Variants in KCNMA1 observed in about 807,000 individuals in gnomAD.
KCNMA1 encodes the protein potassium calcium-activated channel subfamily M alpha 1, also known as Calcium-activated potassium channel subunit alpha-1.
In KCNMA1, 29 loss-of-function variants were observed where a neutral mutation model predicts 140.0. That is an observed-to-expected ratio of 0.21 (90% CI 0.15 to 0.28). KCNMA1 has a LOEUF of 0.28. Among genes scored for constraint, KCNMA1 ranks in the 10% least tolerant of loss-of-function variants. The pLI is 1.00. For missense variants in KCNMA1, 880 were observed against 1,602.2 expected (o/e 0.55, Z 7.70); for synonymous variants, 612 against 611.9 (o/e 1.00, Z 0.00).
rs534747948 is a variant in KCNMA1, at chr10:77,416,243, G to T, written c.379-12220C>A. Reference sequence around the variant, plus strand: ...CAGAGGCAGCCTTGGGGCCAGGAAAGGTAGGGTCTGAGGGATGGAGGCATG... The same window carrying T: ...CAGAGGCAGCCTTGGGGCCAGGAAATGTAGGGTCTGAGGGATGGAGGCATG... On this transcript the variant is annotated intron_variant, in intron 1 of 27. Transcript: ENST00000286628. Among the ~76,000 whole-genome samples the T allele has an allele frequency of 2.4e-4, 36 of 152,270 alleles. No individual in the cohort carries two copies. In the East Asian group the frequency reaches 6.6e-3, roughly 28 times the overall value.
At chr10:77,276,469 T>C (rs1384723050) in intron 2 of KCNMA1, among the ~76,000 whole-genome samples, 3 of 152,208 alleles carry the variant, frequency 2.0e-5, no homozygotes, top group African/African-American at 7.2e-5. Context: ...GACCTAATTT[T>C]AACCTTGCTG....
chr10:77,398,002 T>C (rs1004574539), intron 2 of KCNMA1, among the ~76,000 whole-genome samples: 1 of 151,602 alleles, frequency 6.6e-6, no homozygotes, highest in East Asian at 1.9e-4. Flanking sequence ...TATATATAAA[T>C]GTAATATATA....
chr10:77,249,238 C>T (rs1351567102), intron 3 of KCNMA1, among the ~76,000 whole-genome samples: 3 of 152,118 alleles, frequency 2.0e-5, no homozygotes, highest in Non-Finnish European at 4.4e-5. Flanking sequence ...ACTCCCAGTG[C>T]CATCTTCGCC....
At chr10:77,086,677 A>C in intron 10 of KCNMA1, 84 bp from the exon 11 acceptor site, 4 of 938,088 alleles carry the variant, frequency 4.3e-6, no homozygotes, top group Non-Finnish European at 6.9e-6. Context: ...TCTAATTTCC[A>C]CAGGGAGCCC....
intron 1 of KCNMA1, among the ~76,000 whole-genome samples, chr10:77,536,430 A>C (rs755117864): frequency 2.0e-5 from 3 of 152,168 alleles, no homozygotes; most frequent in African/African-American, 4.8e-5. Flanking sequence ...CCCTCACTTC[A>C]CTGATCTTCA....
intron 19 of KCNMA1, among the ~76,000 whole-genome samples, chr10:76,982,824 G>A (rs1279400330): frequency 1.3e-5 from 2 of 152,194 alleles, no homozygotes; most frequent in African/African-American, 4.8e-5. Flanking sequence ...TCCAAGGTAA[G>A]AAACACACAT....
rs145604644 is a variant in KCNMA1 at position 77,183,446 on chromosome 10, A to G, written c.783T>C (p.Ser261=). 183 of 1,613,584 alleles carry G rather than the reference A, an allele frequency of 1.1e-4. No homozygotes were observed. Among genetic ancestry groups the G allele is most frequent in the Non-Finnish European group, 1.5e-4 (177 of 1,179,728 alleles). Residue 261 remains serine, a synonymous_variant, in exon 5 of 28, where the codon TCT becomes TCC. Transcript: ENST00000286628. ...CAAGCCAACTTCTGTTTAAGTACACAGACACAAACACGGGGGGCACCGTGA... is the reference window on the plus strand; with the variant it reads ...CAAGCCAACTTCTGTTTAAGTACACGGACACAAACACGGGGGGCACCGTGA... ...DFFTVPPVFV[S]VYLNRSWLGL...
At chr10:77,449,432 G>A (rs11813909) in intron 1 of KCNMA1, among the ~76,000 whole-genome samples, 11,190 of 140,830 alleles carry the variant, frequency 0.079, 544 homozygotes, top group Admixed American at 0.16. Context: ...GTAAATGCTG[G>A]TATATGCATC....
chr10:77,620,633 A>C (rs2091071482), intron 1 of KCNMA1, among the ~76,000 whole-genome samples: 1 of 152,006 alleles, frequency 6.6e-6, no homozygotes, highest in Non-Finnish European at 1.5e-5. Context: ...GATTTGGAGG[A>C]TATGCTGGGG....
intron 1 of KCNMA1, among the ~76,000 whole-genome samples, chr10:77,590,728 A>G (rs1400794796): frequency 2.6e-5 from 4 of 152,172 alleles, no homozygotes; most frequent in Non-Finnish European, 2.9e-5. Context: ...GGCTGTGAGG[A>G]CTGCCAGCAC....
chr10:77,136,248 T>A (rs1303161415), intron 5 of KCNMA1, among the ~76,000 whole-genome samples: 2 of 152,192 alleles, frequency 1.3e-5, no homozygotes, highest in African/African-American at 4.8e-5. Flanking sequence ...AGAAAGCAGC[T>A]TAAAATCCAA....
At chr10:76,904,818 C>T (rs2047152695) in intron 25 of KCNMA1, 1 of 152,480 alleles carries the variant, frequency 6.6e-6, no homozygotes, top group African/African-American at 2.4e-5. Context: ...AGGATGCTGT[C>T]TGACCACAGA....
chr10:77,050,280 A>G (rs75523939), intron 14 of KCNMA1, among the ~76,000 whole-genome samples: 3 of 102,824 alleles, frequency 2.9e-5, no homozygotes, highest in African/African-American at 8.3e-5. Context: ...TTTCTAAAAA[A>G]AAAAAATAAA....
chr10:77,054,059 T>C (rs895611285), intron 14 of KCNMA1, among the ~76,000 whole-genome samples: 1 of 152,076 alleles, frequency 6.6e-6, no homozygotes, highest in African/African-American at 2.4e-5. Context: ...AGGGCTGTGG[T>C]AGCAATTTTG....
chr10:77,385,747 G>T (rs551541090), intron 2 of KCNMA1, among the ~76,000 whole-genome samples: 1 of 152,326 alleles, frequency 6.6e-6, no homozygotes, highest in South Asian at 2.1e-4. Flanking sequence ...AGAGGATAGG[G>T]GCCCTGACCA....
At chr10:76,926,327 T>C (rs763998677) in intron 23 of KCNMA1, among the ~76,000 whole-genome samples, 2 of 152,188 alleles carry the variant, frequency 1.3e-5, no homozygotes, top group African/African-American at 4.8e-5. Flanking sequence ...GGGCAATTTA[T>C]TTAAATTTTG....
chr10:76,884,420 G>A (rs1436407364), downstream of KCNMA1: 1 of 151,726 alleles, frequency 6.6e-6, no homozygotes, highest in Non-Finnish European at 1.5e-5. Flanking sequence ...TGTTTTCCAG[G>A]GAAGTTTATC....
chr10:76,875,082 A>T (rs1353504480), downstream of KCNMA1: 2 of 152,264 alleles, frequency 1.3e-5, no homozygotes, highest in African/African-American at 4.8e-5. Flanking sequence ...AAAGAGCTCA[A>T]CAAGTAGGAA....
intron 2 of KCNMA1, among the ~76,000 whole-genome samples, chr10:77,370,404 A>G (rs2094608836): frequency 6.6e-6 from 1 of 152,134 alleles, no homozygotes; most frequent in South Asian, 2.1e-4. Context: ...TTCCTACCAA[A>G]AAAAAAGCCC....
Sources: allele counts gnomAD v4.1 joint callset (sites outside exome capture counted in the v4.1 genomes callset), GRCh38; gene constraint gnomAD v4.1.1; transcripts MANE v1.5; gene names NCBI Gene and HGNC (gene_info 2026-07-23, HGNC 2026-07-21).